CADPS2: variants seen among roughly 807,000 people sequenced by gnomAD.
CADPS2 encodes calcium dependent secretion activator 2.
In CADPS2, 93 loss-of-function variants were observed where a neutral mutation model predicts 172.5. That is an observed-to-expected ratio of 0.54 (90% confidence interval 0.46 to 0.64). CADPS2 has a LOEUF of 0.64. Ranked by LOEUF, CADPS2 falls within the 30% of genes least tolerant of loss-of-function variation. CADPS2 has a pLI of 0.00. For missense variants in CADPS2, 1,420 were observed against 1,565.9 expected, an observed-to-expected ratio of 0.91 and a Z score of 1.57; for synonymous variants, 546 against 555.2, an observed-to-expected ratio of 0.98 and a Z score of 0.23.
At chr7:122,794,752 TA>T (rs200069605) in intron 1 of CADPS2, among the ~76,000 whole-genome samples, 508 of 135,100 alleles carry the variant, frequency 3.8e-3, no homozygotes, top group African/African-American at 5.8e-3. Context: ...GAAATCATTT[TA>T]AAAAAAAAAA....
chr7:122,362,234 A>T (rs759028040), intron 25 of CADPS2, among the ~76,000 whole-genome samples: 1 of 152,196 alleles, frequency 6.6e-6, no homozygotes, highest in Non-Finnish European at 1.5e-5. Flanking sequence ...TGGCACATAT[A>T]AGGATCATCC....
intron 17 of CADPS2, among the ~76,000 whole-genome samples, chr7:122,416,441 T>C (rs1274146848): frequency 2.0e-5 from 3 of 152,212 alleles, no homozygotes; most frequent in Non-Finnish European, 4.4e-5. Context: ...AAACAAGTTA[T>C]AATTCTCCTC....
At chr7:122,530,313 A>C (rs1211580404) in intron 8 of CADPS2, among the ~76,000 whole-genome samples, 1 of 150,518 alleles carries the variant, frequency 6.6e-6, no homozygotes, top group African/African-American at 2.4e-5. Context: ...GGCTTAAGTT[A>C]GCTTTTTTTT....
intron 2 of CADPS2, among the ~76,000 whole-genome samples, chr7:122,707,084 C>G (rs894663440): frequency 7.2e-5 from 11 of 151,752 alleles, no homozygotes; most frequent in African/African-American, 2.7e-4. Flanking sequence ...AGAAGGTAAG[C>G]AGGCAGGCAC....
intron 12 of CADPS2, among the ~76,000 whole-genome samples, chr7:122,476,110 A>C (rs373970321): frequency 1.3e-5 from 2 of 152,106 alleles, no homozygotes; most frequent in African/African-American, 4.8e-5. Flanking sequence ...AAATTGGAAG[A>C]TTCTTTTGTA....
chr7:122,676,723 G>C, intron 2 of CADPS2: 1 of 1,552,870 alleles, frequency 6.4e-7, no homozygotes, highest in South Asian at 1.2e-5. Context: ...GAAGGACATG[G>C]GGCCAACTCA....
chr7:122,762,693 G>A (rs1216210490), intron 1 of CADPS2, among the ~76,000 whole-genome samples: 2 of 152,086 alleles, frequency 1.3e-5, no homozygotes, highest in Non-Finnish European at 2.9e-5. Flanking sequence ...TTTAACCAAG[G>A]AGAGAGGAAA....
intron 2 of CADPS2, among the ~76,000 whole-genome samples, chr7:122,704,829 A>G (rs1478665127): frequency 1.3e-5 from 2 of 152,036 alleles, no homozygotes; most frequent in Non-Finnish European, 2.9e-5. Context: ...TTCTGCAGAC[A>G]TTTTTTGATT....
chr7:122,603,756 T>C (rs893229574), intron 6 of CADPS2, among the ~76,000 whole-genome samples: 1 of 152,094 alleles, frequency 6.6e-6, no homozygotes, highest in Non-Finnish European at 1.5e-5. Context: ...TATAATCCCC[T>C]GTCATTAACA....
At chr7:122,325,844 T>C (rs1183467645) in intron 28 of CADPS2, among the ~76,000 whole-genome samples, 1 of 152,042 alleles carries the variant, frequency 6.6e-6, no homozygotes, top group Admixed American at 6.6e-5. Flanking sequence ...GGAAACAGTG[T>C]TTTTGCACTT....
chr7:122,641,428 T>G (rs1045678008), intron 3 of CADPS2, among the ~76,000 whole-genome samples: 3 of 152,234 alleles, frequency 2.0e-5, no homozygotes, highest in African/African-American at 7.2e-5. Context: ...TTTGGAAGTC[T>G]GTAAAACTTT....
intron 8 of CADPS2, among the ~76,000 whole-genome samples, chr7:122,529,292 C>A (rs2061555416): frequency 6.6e-6 from 1 of 152,022 alleles, no homozygotes; most frequent in South Asian, 2.1e-4. Context: ...TTAATGGAAT[C>A]ATTTCACAGA....
At chr7:122,752,180 T>C (rs1230237733) in intron 1 of CADPS2, among the ~76,000 whole-genome samples, 1 of 152,226 alleles carries the variant, frequency 6.6e-6, no homozygotes, top group African/African-American at 2.4e-5. Flanking sequence ...ATTTTTTTCA[T>C]ACTGCAACAC....
At chr7:122,592,863 A>ACATTT (rs1178522835) in intron 6 of CADPS2, among the ~76,000 whole-genome samples, 1 of 151,862 alleles carries the variant, frequency 6.6e-6, no homozygotes, top group African/African-American at 2.4e-5. Flanking sequence ...GGGGAGGAAT[A>ACATTT]GCATTAGGAG....
At chr7:122,477,342 G>A (rs1421111099) in intron 12 of CADPS2, among the ~76,000 whole-genome samples, 6 of 151,626 alleles carry the variant, frequency 4.0e-5, no homozygotes, top group Admixed American at 6.6e-5. Flanking sequence ...GTGAAATCCC[G>A]TCTCTTACTA....
At chr7:122,608,908 C>T (rs2073942314) in intron 6 of CADPS2, among the ~76,000 whole-genome samples, 1 of 151,994 alleles carries the variant, frequency 6.6e-6, no homozygotes, top group African/African-American at 2.4e-5. Context: ...GATTTCAAGG[C>T]TGGGTATGGT....
intron 1 of CADPS2, among the ~76,000 whole-genome samples, chr7:122,787,659 T>C (rs17144881): frequency 0.19 from 28,546 of 152,122 alleles, 2,793 homozygotes; most frequent in Middle Eastern, 0.27. Context: ...TTAATGTAAG[T>C]GCCTAGTGCA....
rs566725361 is a variant in CADPS2 at position 122,567,745 on chromosome 7, T to C, written c.1336-13056A>G. ...GTTCTTAAATATACATTAAATGTTA[T>C]AATATTACTTGACTTAGCCTCTGAT... On this transcript the variant is annotated intron_variant, in intron 7 of 29. Coordinates refer to ENST00000449022, the MANE Select transcript of CADPS2 (RefSeq NM_017954.11). Among the ~76,000 whole-genome samples the C allele has an allele frequency of 3.9e-5, 6 of 152,234 alleles. No homozygotes were observed. The South Asian group carries it at 6.2e-4, about 16-fold the overall frequency.
chr7:122,657,483 G>C (rs986838244), intron 3 of CADPS2, among the ~76,000 whole-genome samples: 5 of 151,906 alleles, frequency 3.3e-5, no homozygotes, highest in East Asian at 3.9e-4. Flanking sequence ...TTTTTATTTC[G>C]TTGAGCAGTG....
Sources: gnomAD v4.1 joint callset for allele counts (sites outside exome capture counted in the v4.1 genomes callset) on GRCh38, gnomAD v4.1.1 for gene constraint, MANE v1.5 for transcripts, NCBI Gene and HGNC (gene_info 2026-07-23, HGNC 2026-07-21) for gene names.